The following EXOC6B variants were observed in gnomAD, a reference collection of about 807,000 sequenced individuals.
EXOC6B encodes the protein SEC15 homolog B.
Under a neutral mutation model 113.5 loss-of-function variants are expected in EXOC6B, and 54 were observed. The ratio of observed to expected loss-of-function variants is 0.48; its 90% CI spans 0.38 to 0.60. The LOEUF is 0.60. Ranked by LOEUF, EXOC6B falls within the 20% of genes least tolerant of loss-of-function variation. The probability of loss-of-function intolerance (pLI) is 0.00; values close to 1 mark genes in which losing one functional copy is unlikely to be tolerated. For synonymous variants in EXOC6B, 357 were observed against 339.0 expected (o/e 1.05, Z -0.58); for missense variants, 797 against 977.5 (o/e 0.82, Z 2.46).
At chr2:72,363,981 C>G (rs1012472929) in intron 19 of EXOC6B, among the ~76,000 whole-genome samples, 4 of 152,024 alleles carry the variant, frequency 2.6e-5, no homozygotes, top group African/African-American at 9.7e-5. Context: ...CAAAAACACT[C>G]AAGGTATATT....
At chr2:72,788,725 G>A (rs1355387285) in intron 1 of EXOC6B, among the ~76,000 whole-genome samples, 1 of 152,218 alleles carries the variant, frequency 6.6e-6, no homozygotes, top group African/African-American at 2.4e-5. Context: ...GTGAGCCTAG[G>A]AGGTCGAAGC....
chr2:72,281,496 T>C (rs1685129424), intron 20 of EXOC6B, among the ~76,000 whole-genome samples: 1 of 152,000 alleles, frequency 6.6e-6, no homozygotes, highest in Admixed American at 6.6e-5. Flanking sequence ...AAAAAAAGAA[T>C]AGTTAAAACT....
chr2:72,345,617 C>T (rs1463892207), intron 19 of EXOC6B, among the ~76,000 whole-genome samples: 1 of 151,926 alleles, frequency 6.6e-6, no homozygotes, highest in African/African-American at 2.4e-5. Context: ...ATATGACATT[C>T]TAGATAAGGG....
chr2:72,192,694 G>A (rs1000256915), intron 20 of EXOC6B, among the ~76,000 whole-genome samples: 5 of 152,174 alleles, frequency 3.3e-5, no homozygotes. Context: ...CACTGACAGT[G>A]ACCATACCCC....
intron 16 of EXOC6B, among the ~76,000 whole-genome samples, chr2:72,481,189 T>C (rs754763055): frequency 3.9e-5 from 6 of 152,202 alleles, no homozygotes; most frequent in Admixed American, 3.3e-4. Flanking sequence ...GATTATAAGT[T>C]TCCTGAGGCC....
At chr2:72,552,876 AATT>A (rs1291893263) in intron 8 of EXOC6B, among the ~76,000 whole-genome samples, 2 of 151,942 alleles carry the variant, frequency 1.3e-5, no homozygotes, top group African/African-American at 4.8e-5. Context: ...ACTAAATAAA[AATT>A]ATTTACCAAA....
At chr2:72,640,172 G>C (rs1255678289) in intron 6 of EXOC6B, among the ~76,000 whole-genome samples, 1 of 152,106 alleles carries the variant, frequency 6.6e-6, no homozygotes, top group Non-Finnish European at 1.5e-5. Context: ...AGAAAAGATG[G>C]TAACTGAACT....
At chr2:72,678,508 G>A (rs549565904) in intron 6 of EXOC6B, among the ~76,000 whole-genome samples, 76 of 152,208 alleles carry the variant, frequency 5.0e-4, no homozygotes, top group African/African-American at 1.6e-3. Flanking sequence ...GGAGTTGGAG[G>A]CCTCTTGGCC....
At chr2:72,655,279 T>C (rs529821727) in intron 6 of EXOC6B, among the ~76,000 whole-genome samples, 2 of 152,310 alleles carry the variant, frequency 1.3e-5, no homozygotes, top group South Asian at 2.1e-4. Context: ...ATACATACTA[T>C]TAATAACTGC....
chr2:72,749,250 T>C (rs1681891424), intron 1 of EXOC6B, among the ~76,000 whole-genome samples: 1 of 152,084 alleles, frequency 6.6e-6, no homozygotes, highest in Non-Finnish European at 1.5e-5. Flanking sequence ...ACTAATACAG[T>C]TGTTTAGGAG....
chr2:72,252,721 C>T (rs932783601), intron 20 of EXOC6B, among the ~76,000 whole-genome samples: 1 of 152,094 alleles, frequency 6.6e-6, no homozygotes, highest in African/African-American at 2.4e-5. Flanking sequence ...AATCACAGAT[C>T]AGGGAGGGAG....
intron 1 of EXOC6B, among the ~76,000 whole-genome samples, chr2:72,807,703 T>C (rs746559920): frequency 6.6e-6 from 1 of 152,148 alleles, no homozygotes; most frequent in Non-Finnish European, 1.5e-5. Context: ...ATAACATGGT[T>C]ACAACTGGAG....
At chr2:72,769,946 G>C (rs1310459678) in intron 1 of EXOC6B, among the ~76,000 whole-genome samples, 2 of 152,140 alleles carry the variant, frequency 1.3e-5, no homozygotes, top group Non-Finnish European at 2.9e-5. Context: ...TTGAACACCA[G>C]AAGACAAGAT....
intron 2 of EXOC6B, among the ~76,000 whole-genome samples, chr2:72,735,999 C>A (rs1051517704): frequency 3.9e-5 from 6 of 151,926 alleles, no homozygotes; most frequent in Non-Finnish European, 8.8e-5. Flanking sequence ...GCCTGGCCAA[C>A]ATGGTGAAAC....
chr2:72,401,582 C>T (rs13397249), intron 18 of EXOC6B, among the ~76,000 whole-genome samples: 767 of 18,286 alleles, frequency 0.042, 36 homozygotes, highest in East Asian at 0.099. Flanking sequence ...TATATATATA[C>T]ATATATATAT....
At chr2:72,515,835 G>A (rs1488013550) in intron 8 of EXOC6B, 1 of 631,446 alleles carries the variant, frequency 1.6e-6, no homozygotes, top group Admixed American at 6.3e-5. Flanking sequence ...TGATGTAATT[G>A]GTTAAATTAA....
intron 20 of EXOC6B, among the ~76,000 whole-genome samples, chr2:72,299,545 C>T (rs1212235522): frequency 2.4e-4 from 36 of 152,038 alleles, no homozygotes; most frequent in Admixed American, 2.2e-3. Flanking sequence ...ACTCATTCTC[C>T]GTCCAGTTTT....
chr2:72,664,999 G>A (rs1675288026), intron 6 of EXOC6B, among the ~76,000 whole-genome samples: 1 of 152,242 alleles, frequency 6.6e-6, no homozygotes, highest in Admixed American at 6.5e-5. Flanking sequence ...TCCTTGAGCA[G>A]GGAAGGAGCT....
At chr2:72,767,168 G>A (rs1683116918) in intron 1 of EXOC6B, among the ~76,000 whole-genome samples, 1 of 151,960 alleles carries the variant, frequency 6.6e-6, no homozygotes, top group Non-Finnish European at 1.5e-5. Flanking sequence ...GGGGGCTCAC[G>A]CCTGTAATCC....
Sources: gnomAD v4.1 joint callset for allele counts (sites outside exome capture counted in the v4.1 genomes callset) on GRCh38, gnomAD v4.1.1 for gene constraint, MANE v1.5 for transcripts, NCBI Gene and HGNC (gene_info 2026-07-23, HGNC 2026-07-21) for gene names.